HNRNPUL1: variants seen among roughly 807,000 people sequenced by gnomAD.
The protein encoded by HNRNPUL1 is heterogeneous nuclear ribonucleoprotein U like 1, also known as heterogeneous nuclear ribonucleoprotein U-like protein 1.
HNRNPUL1 carries 14 observed loss-of-function variants against 108.5 expected under a neutral mutation model. The observed-to-expected ratio is 0.13, with a 90% CI of 0.09 to 0.20. The LOEUF is 0.20. HNRNPUL1 is among the 10% of genes least tolerant of loss of function. The pLI, the probability that HNRNPUL1 is intolerant of heterozygous loss-of-function variation, is 1.00. For missense variants in HNRNPUL1, 804 were observed against 1,168.3 expected (o/e 0.69, Z 4.55); for synonymous variants, 422 against 445.2 (o/e 0.95, Z 0.66).
rs1231616888 is a variant in HNRNPUL1, at chr19:41,279,151, C to T, written c.861C>T (p.Ser287=). Residue 287 remains serine, a synonymous_variant, in exon 6 of 15, where the codon TCC becomes TCT. Coordinates refer to ENST00000392006, the MANE Select transcript of HNRNPUL1 (RefSeq NM_007040.6). The part of the protein sequence containing the change: ...PDPHVVRIGW[S]LDSCSTQLGE... ...CCCACGTGGTCCGTATCGGCTGGTCCCTGGACTCCTGCAGCACCCAGCTAG... is the reference window on the plus strand; with the variant it reads ...CCCACGTGGTCCGTATCGGCTGGTCTCTGGACTCCTGCAGCACCCAGCTAG... 2 of 1,613,340 alleles carry T rather than the reference C, an allele frequency of 1.2e-6. No individual in the cohort carries two copies. The highest frequency in any genetic ancestry group is 1.7e-6 in the Non-Finnish European group (2 of 1,179,828).
chr19:41,281,377 T>G, intron 7 of HNRNPUL1, 102 bp downstream of exon 7: 1 of 717,926 alleles, frequency 1.4e-6, no homozygotes, highest in Non-Finnish European at 2.5e-6. Context: ...ATCCAGCCAC[T>G]CTCGCCATAC....
chr19:41,270,200 C>A (rs1177551295), intron 2 of HNRNPUL1, among the ~76,000 whole-genome samples: 6 of 152,076 alleles, frequency 3.9e-5, no homozygotes, highest in Admixed American at 1.3e-4. Context: ...CCAGGCTGGT[C>A]TCAAACTCTT....
At chr19:41,305,989 C>T (rs562990771) in intron 14 of HNRNPUL1, 122 bp downstream of exon 14, 10 of 686,566 alleles carry the variant, frequency 1.5e-5, no homozygotes, top group South Asian at 5.7e-5. Flanking sequence ...CTCGGCCTGG[C>T]GTTCATCTGG....
intron 7 of HNRNPUL1, among the ~76,000 whole-genome samples, chr19:41,284,410 A>T (rs548360806): frequency 2.6e-5 from 4 of 152,378 alleles, no homozygotes; most frequent in South Asian, 2.1e-4. Flanking sequence ...TCACACTTGT[A>T]GTCTCAGCAC....
intron 5 of HNRNPUL1, among the ~76,000 whole-genome samples, chr19:41,278,079 T>A (rs979532783): frequency 3.9e-5 from 6 of 152,040 alleles, no homozygotes; most frequent in Non-Finnish European, 5.9e-5. Context: ...TTTTGTTTTG[T>A]TGACGGAGTT....
chr19:41,270,589 T>G (rs1277741335), intron 2 of HNRNPUL1, among the ~76,000 whole-genome samples: 1 of 145,514 alleles, frequency 6.9e-6, no homozygotes, highest in Non-Finnish European at 1.5e-5. Context: ...CAACTCTCCC[T>G]TCCCTTTTTT....
At chr19:41,288,607 T>A (rs2036393613) in intron 7 of HNRNPUL1, among the ~76,000 whole-genome samples, 1 of 152,194 alleles carries the variant, frequency 6.6e-6, no homozygotes, top group Non-Finnish European at 1.5e-5. Context: ...TTGTCTGTAG[T>A]CATTGTATGA....
In HNRNPUL1 at chr19:41,306,569, G is replaced by A. The variant is rs1264060707; in HGVS notation, c.*4G>A. The A allele has an allele frequency of 6.6e-7, 1 of 1,519,966 alleles. No individual in the cohort carries two copies. Among genetic ancestry groups the A allele is most frequent in the Non-Finnish European group, 8.8e-7 (1 of 1,132,796 alleles). The allele number at this position is 1,519,966 out of a possible 1,614,324, so 94.2% of individuals were successfully genotyped here. On this transcript the variant is annotated 3_prime_UTR_variant, in exon 15 of 15. Transcript: ENST00000392006. ...GGGTGGCACAAGTACACAGTAGCCAGTGTGACCCAGAGGCTCCCGGAGGCC... is the reference window on the plus strand; with the variant it reads ...GGGTGGCACAAGTACACAGTAGCCAATGTGACCCAGAGGCTCCCGGAGGCC...
chr19:41,289,460 GC>G (rs2036450918), intron 7 of HNRNPUL1, among the ~76,000 whole-genome samples: 1 of 152,154 alleles, frequency 6.6e-6, no homozygotes, highest in African/African-American at 2.4e-5. Context: ...GAGACACCAG[GC>G]TATAAAAATG....
chr19:41,271,047 T>A (rs1420708367), intron 2 of HNRNPUL1, among the ~76,000 whole-genome samples: 1 of 152,182 alleles, frequency 6.6e-6, no homozygotes, highest in Non-Finnish European at 1.5e-5. Context: ...AGGGTCCCAC[T>A]ATTGAGAACT....
At chr19:41,300,942 G>C (rs1054638858) in intron 10 of HNRNPUL1, among the ~76,000 whole-genome samples, 1 of 152,130 alleles carries the variant, frequency 6.6e-6, no homozygotes. Flanking sequence ...AAAGGAGCTG[G>C]TTAATTAGTA....
rs956356882 is a variant in HNRNPUL1 at position 41,265,984 on chromosome 19, T to C, written c.295+1186T>C. 2.6e-5 allele frequency among the ~76,000 whole-genome samples: 4 copies of C among 151,972 alleles called. 1 individual carries two copies. In the East Asian group the frequency reaches 7.7e-4, roughly 29 times the overall value. ...AAATCTCGACGGTTCCCAGAAGCAGTTATTTGTGTACCCAGGGAGTGGGGG... is the reference window on the plus strand; with the variant it reads ...AAATCTCGACGGTTCCCAGAAGCAGCTATTTGTGTACCCAGGGAGTGGGGG... On this transcript the variant is annotated intron_variant, in intron 1 of 14. Transcript: ENST00000392006.
intron 10 of HNRNPUL1, chr19:41,298,976 C>G (rs566128953): frequency 6.6e-6 from 1 of 152,114 alleles, no homozygotes; most frequent in South Asian, 2.1e-4. Context: ...ACCCTGGCAC[C>G]TACCTACTCT....
chr19:41,307,596 T>TA lies in HNRNPUL1; in HGVS notation c.*1032dup, dbSNP rs2037611430. The stretch of plus-strand genomic sequence containing the variant: ...TAACATGATTTTAACAAACTGCACT[T>TA]ATTAAGAAATGTGTTTGCCCTGTTT... On this transcript the variant is annotated 3_prime_UTR_variant, in exon 15 of 15. Coordinates refer to ENST00000392006, the MANE Select transcript of HNRNPUL1 (RefSeq NM_007040.6). 1 of 152,634 alleles carries TA rather than the reference T, an allele frequency of 6.6e-6. No homozygotes were observed. The highest frequency in any genetic ancestry group is 1.5e-5 in the Non-Finnish European group (1 of 68,044). The allele number at this position is 152,634 out of a possible 1,614,324, so 9.5% of individuals were successfully genotyped here.
intron 7 of HNRNPUL1, among the ~76,000 whole-genome samples, chr19:41,285,875 A>C (rs940428556): frequency 6.6e-6 from 1 of 152,086 alleles, no homozygotes; most frequent in African/African-American, 2.4e-5. Context: ...GACTCCCAAA[A>C]ACTTAACTAC....
Position 41,292,207 on chromosome 19 carries a change from A to C in HNRNPUL1, c.1000-38A>C. On this transcript the variant is annotated intron_variant, in intron 7 of 14. Coordinates refer to ENST00000392006, the MANE Select transcript of HNRNPUL1 (RefSeq NM_007040.6). This position sits in a 1 kb window ranked among gnomAD's most constrained non-coding sequence, Gnocchi z 4.1. ...CATTTGACTCCCAGTGCCTATGGCA[A>C]GAGTTGGCAATCATATTCCTTTGGC... 3 of 1,605,332 alleles carry C rather than the reference A, an allele frequency of 1.9e-6. No individual in the cohort carries two copies. The highest frequency in any genetic ancestry group is 1.7e-6 in the Non-Finnish European group (2 of 1,173,078).
At chr19:41,270,026 A>G (rs1369636338) in intron 2 of HNRNPUL1, among the ~76,000 whole-genome samples, 1 of 150,650 alleles carries the variant, frequency 6.6e-6, no homozygotes, top group East Asian at 1.9e-4. Context: ...CTTGTTCCCC[A>G]GGCTGGAGGG....
At position 41,269,443 on chromosome 19, in the gene HNRNPUL1, A is replaced by G. The variant is rs538676312; in HGVS notation, c.418+1098A>G. 1.6e-3 allele frequency among the ~76,000 whole-genome samples: 219 copies of G among 140,960 alleles called. 1 individual carries two copies. The highest frequency in any genetic ancestry group is 5.6e-3 in the African/African-American group (208 of 37,238). 92.5% of individuals were successfully genotyped at this position (140,960 alleles called of 152,430 possible). On this transcript the variant is annotated intron_variant, in intron 2 of 14. Coordinates refer to ENST00000392006, the MANE Select transcript of HNRNPUL1 (RefSeq NM_007040.6). ...TGCTGTGAGCTATGATTACACTACT[A>G]CACTCCAGCCTGGGTGACAGTGCAA...
rs553666672 is a variant in HNRNPUL1, at chr19:41,277,113, AAAAC to A, written c.786+819_786+822del. 1.3e-3 allele frequency among the ~76,000 whole-genome samples: 192 copies of A among 151,866 alleles called. 1 individual carries two copies. Among genetic ancestry groups the A allele is most frequent in the Non-Finnish European group, 2.4e-3 (163 of 67,912 alleles). On this transcript the variant is annotated intron_variant, in intron 5 of 14. Transcript: ENST00000392006. ...CTCTGTCTCAAAAAAAAAAAACAAA[AAAAC>A]AAAAACAAAAAAAACAAAACAGGTT...
Sources: allele counts gnomAD v4.1 joint callset (sites outside exome capture counted in the v4.1 genomes callset), GRCh38; gene constraint gnomAD v4.1.1; non-coding constraint Gnocchi (gnomAD v3.1); transcripts MANE v1.5; gene names NCBI Gene and HGNC (gene_info 2026-07-23, HGNC 2026-07-21).